Variants in CACNA1C observed in about 807,000 individuals in gnomAD.
The protein encoded by CACNA1C is voltage-dependent L-type calcium channel subunit alpha-1C.
In CACNA1C, 30 loss-of-function variants were observed where a neutral mutation model predicts 229.0. That is an observed-to-expected ratio of 0.13 (90% CI 0.10 to 0.18). The LOEUF is 0.18. CACNA1C is among the 10% of genes least tolerant of loss of function. The pLI is 1.00. For synonymous variants in CACNA1C, 1,114 were observed against 1,132.5 expected, an observed-to-expected ratio of 0.98 and a Z score of 0.33; for missense variants, 1,658 against 2,845.0, an observed-to-expected ratio of 0.58 and a Z score of 9.49.
intron 7 of CACNA1C, among the ~76,000 whole-genome samples, chr12:2,497,415 G>A (rs956908746): frequency 6.6e-6 from 1 of 152,206 alleles, no homozygotes; most frequent in Non-Finnish European, 1.5e-5. Flanking sequence ...TTGCAGGTGA[G>A]AATTGTGGAA....
chr12:2,114,550 G>GC (rs752222714), intron 1 of CACNA1C, among the ~76,000 whole-genome samples: 6 of 152,212 alleles, frequency 3.9e-5, no homozygotes, highest in Non-Finnish European at 8.8e-5. Flanking sequence ...AACCATCACA[G>GC]CTCCCCTGGC....
At chr12:2,066,690 T>C (rs2059378495) in intron 1 of CACNA1C, among the ~76,000 whole-genome samples, 1 of 151,462 alleles carries the variant, frequency 6.6e-6, no homozygotes, top group African/African-American at 2.4e-5. Context: ...ACATGAGAGA[T>C]TGGAAATGCA....
chr12:2,397,565 C>A (rs994376853), intron 3 of CACNA1C, among the ~76,000 whole-genome samples: 1 of 152,226 alleles, frequency 6.6e-6, no homozygotes, highest in Admixed American at 6.5e-5. Context: ...CCAGAGTCCA[C>A]GGCTCTGGAA....
At chr12:1,996,860 A>G (rs1833028360) in intron 1 of CACNA1C, among the ~76,000 whole-genome samples, 1 of 152,088 alleles carries the variant, frequency 6.6e-6, no homozygotes, top group Non-Finnish European at 1.5e-5. Flanking sequence ...TACCATAAAC[A>G]TGAATATATG....
intron 3 of CACNA1C, among the ~76,000 whole-genome samples, chr12:2,373,166 T>C (rs2097917100): frequency 6.6e-6 from 1 of 152,152 alleles, no homozygotes; most frequent in South Asian, 2.1e-4. Flanking sequence ...CAACCCTTCA[T>C]TTGAGTGCCT....
chr12:2,012,689 G>A (rs1413288360), intron 1 of CACNA1C, among the ~76,000 whole-genome samples: 1 of 152,196 alleles, frequency 6.6e-6, no homozygotes, highest in Non-Finnish European at 1.5e-5. Flanking sequence ...ATGAAAAAAT[G>A]TGAACAGTAA....
chr12:1,996,333 C>G (rs2040781970), intron 1 of CACNA1C, among the ~76,000 whole-genome samples: 1 of 152,102 alleles, frequency 6.6e-6, no homozygotes, highest in African/African-American at 2.4e-5. Flanking sequence ...TCTCTTTACA[C>G]TTGCTAACTA....
Position 1,985,464 on chromosome 12 carries a change from A to AT in CACNA1C, c.139+14268dup, listed in dbSNP as rs561035107. Among the ~76,000 whole-genome samples the AT allele has an allele frequency of 4.0e-3, 611 of 152,266 alleles. 9 individuals are homozygous for AT. Among genetic ancestry groups the AT allele is most frequent in the African/African-American group, 0.014 (576 of 41,556 alleles). On this transcript the variant is annotated intron_variant, in intron 1 of 46. Transcript: ENST00000682462. Reference sequence around the variant, plus strand: ...TTCCATTTGGTTATTTTTTATACCTATTTTTGTGCCAAGAATTTCTATCTT... The same window carrying AT: ...TTCCATTTGGTTATTTTTTATACCTATTTTTTGTGCCAAGAATTTCTATCTT...
chr12:2,565,016 G>A (rs1001789764), intron 11 of CACNA1C, among the ~76,000 whole-genome samples: 10 of 151,908 alleles, frequency 6.6e-5, no homozygotes, highest in South Asian at 2.1e-4. Flanking sequence ...TAACCATGTC[G>A]TCTACTGAAT....
In CACNA1C at chr12:2,696,030, T is replaced by A. The variant is rs4765975; in HGVS notation, c.*4831T>A. On this transcript the variant is annotated 3_prime_UTR_variant, in exon 47 of 47. Transcript: ENST00000399655. ...GGTGCAGTAGAGTGACTCCCTTGGA[T>A]GGAAGTAGTACCATCAGAACCTACT... 0.8 allele frequency: 121,035 copies of A among 152,172 alleles called. 52,200 individuals are homozygous for A. The highest frequency in any genetic ancestry group is 0.97 in the South Asian group (4,672 of 4,824). 9.4% of individuals were successfully genotyped at this position (152,172 alleles called of 1,614,324 possible).
Position 2,103,034 on chromosome 12 carries a change from G to A in CACNA1C, c.50-12190G>A, listed in dbSNP as rs537977957. ...AGTCTTTGCTATTGTGAACGGTGCC[G>A]CAGTAAACATATGTGTGCATGTGTG... On this transcript the variant is annotated intron_variant, in intron 1 of 46. Transcript: ENST00000399655. 3.3e-5 allele frequency among the ~76,000 whole-genome samples: 5 copies of A among 152,292 alleles called. No individual in the cohort carries two copies. In the East Asian group the frequency reaches 5.8e-4, roughly 18 times the overall value.
intron 9 of CACNA1C, among the ~76,000 whole-genome samples, chr12:2,535,478 C>T (rs1177066559): frequency 1.3e-5 from 2 of 151,488 alleles, no homozygotes; most frequent in Non-Finnish European, 2.9e-5. Flanking sequence ...GTGGGATGAT[C>T]GCTTGATCCC....
In CACNA1C at chr12:2,479,010, A is replaced by G. The variant is rs1167169712; in HGVS notation, c.758-7094A>G. 1.3e-5 allele frequency among the ~76,000 whole-genome samples: 2 copies of G among 152,302 alleles called. No individual in the cohort carries two copies. The highest frequency in any genetic ancestry group is 3.9e-4 in the East Asian group (2 of 5,180). ...ACTCTCCGATAGTATTTTCTCAGAT[A>G]GAGGATGTAGCTGAGGATGGAAAAC... On this transcript the variant is annotated intron_variant, in intron 5 of 46. Coordinates refer to ENST00000399655, the MANE Select transcript of CACNA1C (RefSeq NM_000719.7). The surrounding 1 kb of genome is among the most constrained non-coding windows in gnomAD (Gnocchi z 4.3).
chr12:2,498,963 G>A (rs1161288193), intron 7 of CACNA1C, among the ~76,000 whole-genome samples: 2 of 152,186 alleles, frequency 1.3e-5, no homozygotes, highest in Non-Finnish European at 2.9e-5. Flanking sequence ...GAAATGCATG[G>A]AGGAGCTTAT....
intron 3 of CACNA1C, among the ~76,000 whole-genome samples, chr12:2,294,652 G>A (rs907559996): frequency 3.3e-5 from 5 of 152,120 alleles, no homozygotes; most frequent in Admixed American, 3.3e-4. Context: ...CTTGCCATCC[G>A]AGCCATCCAA....
chr12:2,671,787 A>G (rs2096580625), intron 38 of CACNA1C, among the ~76,000 whole-genome samples: 1 of 152,220 alleles, frequency 6.6e-6, no homozygotes, highest in Non-Finnish European at 1.5e-5. Context: ...TGGGAACTAC[A>G]ATCCTGTCAA....
intron 3 of CACNA1C, among the ~76,000 whole-genome samples, chr12:2,162,775 C>A (rs2095956533): frequency 6.6e-6 from 1 of 152,096 alleles, no homozygotes; most frequent in Non-Finnish European, 1.5e-5. Flanking sequence ...TTTGCCGTTT[C>A]CAGATTGACA....
intron 13 of CACNA1C, among the ~76,000 whole-genome samples, chr12:2,576,986 C>T (rs1005035226): frequency 2.6e-5 from 4 of 152,194 alleles, no homozygotes; most frequent in Admixed American, 6.5e-5. Flanking sequence ...ATAATTTGCA[C>T]GTTAGGAATG....
At position 1,996,653 on chromosome 12, in the gene CACNA1C, AAACAAC is replaced by A. The variant is rs1289869721; in HGVS notation, c.139+25455_139+25460del. On this transcript the variant is annotated intron_variant, in intron 1 of 46. Transcript: ENST00000682462. ...AAAAAAAAAAAAAAAAAAAAAAAAA[AAACAAC>A]AAACTCTTCTAATGTTTTAAAGAAG... 3.0e-3 allele frequency among the ~76,000 whole-genome samples: 109 copies of A among 36,664 alleles called. 17 individuals are homozygous for A. The highest frequency in any genetic ancestry group is 0.017 in the African/African-American group (98 of 5,610). 24.1% of individuals were successfully genotyped at this position (36,664 alleles called of 152,430 possible).
Sources: gnomAD v4.1 joint callset for allele counts (sites outside exome capture counted in the v4.1 genomes callset) on GRCh38, gnomAD v4.1.1 for gene constraint, Gnocchi (gnomAD v3.1) non-coding constraint, MANE v1.5 for transcripts, NCBI Gene and HGNC (gene_info 2026-07-23, HGNC 2026-07-21) for gene names.